Variants in PLCB1 observed in about 807,000 individuals in gnomAD.
PLCB1 encodes the protein 1-phosphatidylinositol 4,5-bisphosphate phosphodiesterase beta-1.
Under a neutral mutation model 161.8 loss-of-function variants are expected in PLCB1, and 46 were observed. The ratio of observed to expected loss-of-function variants is 0.28; its 90% confidence interval spans 0.22 to 0.36. The LOEUF is 0.36. Ranked by LOEUF, PLCB1 falls within the 10% of genes least tolerant of loss-of-function variation. The pLI is 1.00. For synonymous variants in PLCB1, 517 were observed against 503.7 expected, an observed-to-expected ratio of 1.03 and a Z score of -0.35; for missense variants, 1,016 against 1,472.5, an observed-to-expected ratio of 0.69 and a Z score of 5.07.
chr20:8,265,556 G>T (rs1328670726), intron 2 of PLCB1, among the ~76,000 whole-genome samples: 4 of 151,876 alleles, frequency 2.6e-5, no homozygotes, highest in African/African-American at 4.8e-5. Flanking sequence ...ATATTTTGGG[G>T]CACCTACTAT....
chr20:8,483,187 C>G (rs753029074), intron 3 of PLCB1, among the ~76,000 whole-genome samples: 2 of 152,192 alleles, frequency 1.3e-5, no homozygotes, highest in Non-Finnish European at 2.9e-5. Flanking sequence ...CTCTCTAATT[C>G]TATTGTAAGC....
chr20:8,793,555 C>T (rs1983871898), intron 31 of PLCB1, among the ~76,000 whole-genome samples: 3 of 151,904 alleles, frequency 2.0e-5, no homozygotes, highest in Admixed American at 1.3e-4. Flanking sequence ...CCCCACAAGC[C>T]GCAAAAACCA....
intron 2 of PLCB1, among the ~76,000 whole-genome samples, chr20:8,360,993 A>G (rs894990590): frequency 6.6e-6 from 1 of 152,346 alleles, no homozygotes; most frequent in Non-Finnish European, 1.5e-5. Flanking sequence ...GTCTATCTAT[A>G]CTTCAGAAAA....
intron 3 of PLCB1, among the ~76,000 whole-genome samples, chr20:8,438,613 A>G (rs1189462924): frequency 6.6e-6 from 1 of 152,220 alleles, no homozygotes; most frequent in Non-Finnish European, 1.5e-5. Context: ...AATGCAAGCC[A>G]CAGTTGTCTC....
chr20:8,345,399 G>C (rs1985967457), intron 2 of PLCB1, among the ~76,000 whole-genome samples: 1 of 152,138 alleles, frequency 6.6e-6, no homozygotes, highest in Non-Finnish European at 1.5e-5. Context: ...AACTCATCAG[G>C]CCTCGTGTTT....
At chr20:8,392,300 A>G (rs1192119969) in intron 3 of PLCB1, among the ~76,000 whole-genome samples, 5 of 152,094 alleles carry the variant, frequency 3.3e-5, no homozygotes, top group Admixed American at 6.6e-5. Context: ...AACAGAGAGC[A>G]TCCCTCACCA....
intron 27 of PLCB1, among the ~76,000 whole-genome samples, chr20:8,784,839 A>G (rs1174024695): frequency 6.6e-6 from 1 of 152,144 alleles, no homozygotes; most frequent in Non-Finnish European, 1.5e-5. Context: ...AACCTATATA[A>G]TTTTAAAAGT....
intron 27 of PLCB1, among the ~76,000 whole-genome samples, chr20:8,781,416 A>AC (rs1983225561): frequency 1.8e-3 from 38 of 21,394 alleles, no homozygotes; most frequent in African/African-American, 3.5e-3. Flanking sequence ...ACACACACAC[A>AC]AACACACACA....
intron 2 of PLCB1, among the ~76,000 whole-genome samples, chr20:8,302,844 CT>C (rs1335938029): frequency 6.6e-6 from 1 of 151,950 alleles, no homozygotes; most frequent in Non-Finnish European, 1.5e-5. Context: ...GAATGATCTT[CT>C]TTATTAAATA....
chr20:8,457,036 A>G (rs1007968078), intron 3 of PLCB1, among the ~76,000 whole-genome samples: 2 of 152,200 alleles, frequency 1.3e-5, no homozygotes, highest in African/African-American at 2.4e-5. Context: ...TTTAACCAAA[A>G]TCATCTTACA....
chr20:8,819,390 G>A (rs922715175), intron 31 of PLCB1, among the ~76,000 whole-genome samples: 1 of 152,226 alleles, frequency 6.6e-6, no homozygotes, highest in African/African-American at 2.4e-5. Context: ...AATTAAATAT[G>A]AAATATAAAA....
At chr20:8,274,037 A>G (rs572290633) in intron 2 of PLCB1, among the ~76,000 whole-genome samples, 1 of 152,308 alleles carries the variant, frequency 6.6e-6, no homozygotes, top group Admixed American at 6.5e-5. Flanking sequence ...AGTAGAAGTG[A>G]TGAATGGAGG....
At chr20:8,747,577 T>C (rs958478776) in intron 23 of PLCB1, among the ~76,000 whole-genome samples, 6 of 152,212 alleles carry the variant, frequency 3.9e-5, no homozygotes, top group Non-Finnish European at 7.3e-5. Context: ...CTGACTCACA[T>C]GTTCTTGTGA....
intron 3 of PLCB1, among the ~76,000 whole-genome samples, chr20:8,499,000 A>G (rs1983293975): frequency 6.6e-6 from 1 of 152,194 alleles, no homozygotes; most frequent in Admixed American, 6.5e-5. Flanking sequence ...AATTGACCAA[A>G]TTATCCACAA....
chr20:8,776,370 C>A (rs111890848), intron 27 of PLCB1, among the ~76,000 whole-genome samples: 24 of 152,280 alleles, frequency 1.6e-4, no homozygotes, highest in African/African-American at 5.5e-4. Context: ...TGGTTTATAA[C>A]CATTGTGTAG....
rs184193950 is a variant in PLCB1, at chr20:8,258,787, T to G, written c.177+108416T>G. On this transcript the variant is annotated intron_variant, in intron 2 of 31. Transcript: ENST00000338037. ...TATGCACATTGTTAAGCCATGTGGG[T>G]TTTTTTTTCTGTTTTTAAAATTTAA... 1.2e-3 allele frequency among the ~76,000 whole-genome samples: 176 copies of G among 150,916 alleles called. 1 individual carries two copies. The highest frequency in any genetic ancestry group is 2.1e-3 in the African/African-American group (88 of 41,256).
intron 2 of PLCB1, among the ~76,000 whole-genome samples, chr20:8,350,178 A>G (rs1381245399): frequency 1.3e-5 from 2 of 152,162 alleles, no homozygotes; most frequent in Non-Finnish European, 2.9e-5. Context: ...GCACAGATCA[A>G]TCCATCACCT....
Position 8,188,671 on chromosome 20 carries a change from G to A in PLCB1, c.177+38300G>A, listed in dbSNP as rs8120215. 7.2e-3 allele frequency among the ~76,000 whole-genome samples: 1,096 copies of A among 152,030 alleles called. 12 individuals are homozygous for A. Among genetic ancestry groups the A allele is most frequent in the African/African-American group, 0.025 (1,036 of 41,472 alleles). On this transcript the variant is annotated intron_variant, in intron 2 of 31. Coordinates refer to ENST00000338037, the MANE Select transcript of PLCB1 (RefSeq NM_015192.4). ...AACTTCCTGGGAATTGTCTATTTTC[G>A]TCCATGTTTGTAATCTCTGAGCCAT...
At chr20:8,250,746 G>C (rs895968927) in intron 2 of PLCB1, among the ~76,000 whole-genome samples, 5 of 151,908 alleles carry the variant, frequency 3.3e-5, no homozygotes, top group Non-Finnish European at 5.9e-5. Flanking sequence ...CCAGGTCAGG[G>C]GGCAAGAGCC....
Sources: allele counts gnomAD v4.1 joint callset (sites outside exome capture counted in the v4.1 genomes callset), GRCh38; gene constraint gnomAD v4.1.1; transcripts MANE v1.5; gene names NCBI Gene and HGNC (gene_info 2026-07-23, HGNC 2026-07-21).